Variants in TBPL2 observed in about 807,000 individuals in gnomAD.
TBPL2 encodes the protein TATA-box binding protein like 2, also known as TATA box-binding protein-like 2.
A neutral mutation model predicts 38.2 loss-of-function variants in TBPL2; 40 were observed. The ratio of observed to expected loss-of-function variants is 1.05; its 90% CI spans 0.81 to 1.36. The LOEUF (loss-of-function observed/expected upper bound fraction) is 1.36. TBPL2 is among the 40% of genes most tolerant of loss of function. The pLI, the probability that TBPL2 is intolerant of heterozygous loss-of-function variation, is 0.00. For synonymous variants in TBPL2, 169 were observed against 171.7 expected (o/e 0.98, Z 0.12); for missense variants, 461 against 456.7 (o/e 1.01, Z -0.09).
At position 55,428,983 on chromosome 14, in the gene TBPL2, G is replaced by T; in HGVS notation, c.789-9C>A. The T allele has an allele frequency of 6.2e-7, 1 of 1,613,632 alleles. No individual in the cohort carries two copies. Among genetic ancestry groups the T allele is most frequent in the Non-Finnish European group, 8.5e-7 (1 of 1,179,906 alleles). On this transcript the variant is annotated splice_polypyrimidine_tract_variant and intron_variant, in intron 4 of 6. Coordinates refer to ENST00000247219, the Ensembl canonical transcript of TBPL2. ...GTCGAGACTGCTCTTCACTGGGGAG[G>T]GGCAAATATGTTTAAAGATGTCTTA...
intron 1 of TBPL2, among the ~76,000 whole-genome samples, chr14:55,439,221 G>A (rs1211385835): frequency 2.7e-5 from 4 of 149,130 alleles, no homozygotes; most frequent in South Asian, 4.4e-4. Flanking sequence ...TTACAGGCGT[G>A]AGCCACCTCA....
intron 5 of TBPL2, among the ~76,000 whole-genome samples, chr14:55,427,023 G>T (rs1885836130): frequency 1.3e-5 from 2 of 152,216 alleles, no homozygotes; most frequent in Admixed American, 6.5e-5. Flanking sequence ...TTCGGGCAGA[G>T]CTCTTGCAGA....
intron 1 of TBPL2, among the ~76,000 whole-genome samples, chr14:55,438,570 C>G (rs1451824602): frequency 6.6e-6 from 1 of 152,158 alleles, no homozygotes; most frequent in Admixed American, 6.5e-5. Flanking sequence ...TTCCCCTTCC[C>G]CTTCCCCATC....
intron 6 of TBPL2, among the ~76,000 whole-genome samples, chr14:55,418,278 C>T (rs551986785): frequency 3.3e-5 from 5 of 152,280 alleles, no homozygotes; most frequent in African/African-American, 4.8e-5. Context: ...TTGGTAGGCA[C>T]CCAAAATTTA....
intron 6 of TBPL2, among the ~76,000 whole-genome samples, chr14:55,423,736 C>T (rs965212383): frequency 1.3e-5 from 2 of 152,196 alleles, no homozygotes; most frequent in Non-Finnish European, 2.9e-5. Flanking sequence ...TTTCACACTA[C>T]GATGGCAGTG....
intron 4 of TBPL2, among the ~76,000 whole-genome samples, chr14:55,431,469 T>C (rs900776746): frequency 2.6e-5 from 4 of 152,242 alleles, no homozygotes; most frequent in Admixed American, 2.6e-4. Context: ...GTATGTGTAC[T>C]ATATGGCTAA....
At chr14:55,419,500 A>C (rs1361327225) in intron 6 of TBPL2, among the ~76,000 whole-genome samples, 5 of 152,144 alleles carry the variant, frequency 3.3e-5, no homozygotes, top group Admixed American at 2.6e-4. Flanking sequence ...TGGGCCCTAA[A>C]TGTCACACCA....
chr14:55,421,297 T>C lies in TBPL2; in HGVS notation c.1051+2862A>G, dbSNP rs188351252. Among the ~76,000 whole-genome samples the C allele has an allele frequency of 2.1e-3, 321 of 152,238 alleles. 3 individuals are homozygous for C. Among genetic ancestry groups the C allele is most frequent in the East Asian group, 1.2e-3 (6 of 5,178 alleles). On this transcript the variant is annotated intron_variant, in intron 6 of 6. Coordinates refer to ENST00000247219, the Ensembl canonical transcript of TBPL2. ...GCCTCTGATATCTACACTATTCAAT[T>C]TTATTGGCAGGCTTTTCTCACTTCC...
chr14:55,422,463 C>T, intron 6 of TBPL2, among the ~76,000 whole-genome samples: 1 of 152,090 alleles, frequency 6.6e-6, no homozygotes, highest in East Asian at 1.9e-4. Context: ...GTTGGCCAGG[C>T]TCATCTTGAA....
At chr14:55,428,147 T>TTTTTTTTTTTTTTTA (rs4039603) in intron 5 of TBPL2, among the ~76,000 whole-genome samples, 1 of 127,212 alleles carries the variant, frequency 7.9e-6, no homozygotes, top group African/African-American at 3.7e-5. Flanking sequence ...TTTTTTTTTT[T>TTTTTTTTTTTTTTTA]GAGACGGAGT....
At chr14:55,438,029 G>A (rs1031619180) in intron 1 of TBPL2, among the ~76,000 whole-genome samples, 1 of 152,158 alleles carries the variant, frequency 6.6e-6, no homozygotes, top group African/African-American at 2.4e-5. Context: ...AAAATTCATG[G>A]ACTTTATTAT....
At chr14:55,440,131 A>C (rs8014621) in intron 1 of TBPL2, among the ~76,000 whole-genome samples, 74,849 of 151,492 alleles carry the variant, frequency 0.49, 18,611 homozygotes, top group East Asian at 0.6. Flanking sequence ...TCAATCAAAA[A>C]CCAGAACAAC....
intron 5 of TBPL2, among the ~76,000 whole-genome samples, chr14:55,426,630 C>T (rs1320551304): frequency 7.3e-5 from 11 of 151,348 alleles, no homozygotes; most frequent in Admixed American, 2.0e-4. Flanking sequence ...GGCTGACAGC[C>T]GAATGGAGAG....
chr14:55,426,267 CAAAA>C (rs201408961), intron 5 of TBPL2, among the ~76,000 whole-genome samples: 1 of 128,340 alleles, frequency 7.8e-6, no homozygotes, highest in African/African-American at 2.7e-5. Context: ...AACTCCATCT[CAAAA>C]AAAAAAAATA....
chr14:55,434,743 T>G (rs992184219), intron 3 of TBPL2, among the ~76,000 whole-genome samples: 2 of 152,168 alleles, frequency 1.3e-5, no homozygotes, highest in Non-Finnish European at 1.5e-5. Flanking sequence ...TCGGGTAACA[T>G]CGAGGTAACA....
At chr14:55,419,485 A>G (rs1449165524) in intron 6 of TBPL2, among the ~76,000 whole-genome samples, 3 of 152,182 alleles carry the variant, frequency 2.0e-5, no homozygotes, top group Non-Finnish European at 4.4e-5. Flanking sequence ...TTTAAGAAAA[A>G]AACATGGGCC....
At chr14:55,439,990 C>T (rs1886084464) in intron 1 of TBPL2, among the ~76,000 whole-genome samples, 1 of 143,638 alleles carries the variant, frequency 7.0e-6, no homozygotes, top group African/African-American at 2.6e-5. Context: ...ATCCCAGCTA[C>T]ACGGGAGGCT....
chr14:55,430,123 A>C (rs767931879), intron 4 of TBPL2, among the ~76,000 whole-genome samples: 2 of 152,128 alleles, frequency 1.3e-5, no homozygotes, highest in Non-Finnish European at 2.9e-5. Context: ...ATTTCTCCTT[A>C]GGTATTTTTC....
chr14:55,440,408 C>G (rs1566596751), exon 1 of TBPL2: 1 of 1,612,990 alleles, frequency 6.2e-7, no homozygotes, highest in South Asian at 1.1e-5. Flanking sequence ...GAGCGGCGCA[C>G]TGGTCCAGGT....
Sources: allele counts gnomAD v4.1 joint callset (sites outside exome capture counted in the v4.1 genomes callset), GRCh38; gene constraint gnomAD v4.1.1; transcripts MANE v1.5; gene names NCBI Gene and HGNC (gene_info 2026-07-23, HGNC 2026-07-21).